The following JAZF1 variants were observed in gnomAD, a reference collection of about 807,000 sequenced individuals.
JAZF1 encodes the protein JAZF zinc finger 1.
In JAZF1, 8 loss-of-function variants were observed where a neutral mutation model predicts 26.4. That is an observed-to-expected ratio of 0.30 (90% confidence interval 0.18 to 0.55). The LOEUF (loss-of-function observed/expected upper bound fraction) is 0.55, where lower values mean the gene tolerates loss of function less well. JAZF1 is among the 20% of genes least tolerant of loss of function. JAZF1 has a pLI of 0.94. For synonymous variants in JAZF1, 126 were observed against 122.3 expected, an observed-to-expected ratio of 1.03 and a Z score of -0.20; for missense variants, 199 against 322.0, an observed-to-expected ratio of 0.62 and a Z score of 2.92.
At chr7:27,879,210 T>C (rs912005370) in intron 3 of JAZF1, among the ~76,000 whole-genome samples, 1 of 152,194 alleles carries the variant, frequency 6.6e-6, no homozygotes, top group South Asian at 2.1e-4. Flanking sequence ...AGAATGTGAT[T>C]TGTCCTATGT....
At chr7:28,078,517 T>A (rs1344069457) in intron 1 of JAZF1, among the ~76,000 whole-genome samples, 1 of 152,152 alleles carries the variant, frequency 6.6e-6, no homozygotes. Flanking sequence ...GCAAAGAAAA[T>A]TATTTTGTGA....
chr7:28,042,758 CT>C (rs1783415434), intron 1 of JAZF1, among the ~76,000 whole-genome samples: 1 of 152,084 alleles, frequency 6.6e-6, no homozygotes, highest in African/African-American at 2.4e-5. Flanking sequence ...TTATAATCAC[CT>C]ACAGTATTCA....
chr7:28,009,796 C>T (rs1301906242), intron 1 of JAZF1, among the ~76,000 whole-genome samples: 2 of 152,128 alleles, frequency 1.3e-5, no homozygotes, highest in Non-Finnish European at 2.9e-5. Flanking sequence ...GTCACCATTG[C>T]GTTTTTTAAA....
At chr7:27,889,758 C>T (rs983575772) in intron 3 of JAZF1, among the ~76,000 whole-genome samples, 4 of 152,068 alleles carry the variant, frequency 2.6e-5, no homozygotes, top group African/African-American at 7.2e-5. Context: ...ATGGCAAAAA[C>T]CCACCTCTAC....
At chr7:28,068,555 C>CTG (rs1783922748) in intron 1 of JAZF1, among the ~76,000 whole-genome samples, 1 of 152,122 alleles carries the variant, frequency 6.6e-6, no homozygotes, top group Non-Finnish European at 1.5e-5. Context: ...TTTGACTCTA[C>CTG]TGACAAATTA....
At chr7:28,175,802 A>G (rs1303967309) in intron 1 of JAZF1, among the ~76,000 whole-genome samples, 1 of 152,218 alleles carries the variant, frequency 6.6e-6, no homozygotes, top group Non-Finnish European at 1.5e-5. Flanking sequence ...AATCATACAC[A>G]TCAGCCACGA....
intron 2 of JAZF1, among the ~76,000 whole-genome samples, chr7:27,981,801 C>A (rs1401068384): frequency 6.6e-6 from 1 of 152,156 alleles, no homozygotes; most frequent in Non-Finnish European, 1.5e-5. Context: ...AAATTTCACA[C>A]CCACTGATCA....
intron 1 of JAZF1, among the ~76,000 whole-genome samples, chr7:28,001,243 A>C (rs763074062): frequency 4.0e-5 from 6 of 151,880 alleles, no homozygotes; most frequent in Admixed American, 6.6e-5. Flanking sequence ...TCCCAGCTAC[A>C]TGTGAGGCTG....
At chr7:28,091,772 G>A (rs983308895) in intron 1 of JAZF1, among the ~76,000 whole-genome samples, 8 of 152,012 alleles carry the variant, frequency 5.3e-5, no homozygotes, top group African/African-American at 1.7e-4. Context: ...TCATATTGCT[G>A]TTAGAATAGT....
chr7:28,023,263 T>C lies in JAZF1; in HGVS notation c.116-31282A>G, dbSNP rs1412256407. Among the ~76,000 whole-genome samples the C allele has an allele frequency of 5.3e-5, 8 of 152,314 alleles. No homozygotes were observed. In the East Asian group the frequency reaches 1.3e-3, roughly 26 times the overall value. The stretch of plus-strand genomic sequence containing the variant: ...AGTGATAATGACTAATTTACCTCCC[T>C]TTCTCCAATATACCGAAGGACAGAT... On this transcript the variant is annotated intron_variant, in intron 1 of 4. Coordinates refer to ENST00000283928, the MANE Select transcript of JAZF1 (RefSeq NM_175061.4).
intron 3 of JAZF1, among the ~76,000 whole-genome samples, chr7:27,861,123 C>T (rs1455288089): frequency 6.6e-6 from 1 of 152,176 alleles, no homozygotes; most frequent in Non-Finnish European, 1.5e-5. Context: ...CGTCTTCATT[C>T]TACTCTCAGG....
chr7:28,141,113 A>C (rs1294399575), intron 1 of JAZF1, among the ~76,000 whole-genome samples: 1 of 152,218 alleles, frequency 6.6e-6, no homozygotes, highest in African/African-American at 2.4e-5. Context: ...CACAGACTCA[A>C]AAGATGCAGC....
At chr7:28,082,576 C>T (rs941711301) in intron 1 of JAZF1, among the ~76,000 whole-genome samples, 2 of 152,186 alleles carry the variant, frequency 1.3e-5, no homozygotes, top group African/African-American at 4.8e-5. Flanking sequence ...ACATGTATAA[C>T]CAGTAGCTCC....
chr7:28,085,958 T>C (rs1228809273), intron 1 of JAZF1, among the ~76,000 whole-genome samples: 1 of 152,240 alleles, frequency 6.6e-6, no homozygotes, highest in African/African-American at 2.4e-5. Flanking sequence ...CCATAGATAA[T>C]TCATGAGAAT....
intron 3 of JAZF1, among the ~76,000 whole-genome samples, chr7:27,844,985 GA>G (rs1224647099): frequency 1.3e-5 from 2 of 152,238 alleles, no homozygotes; most frequent in African/African-American, 4.8e-5. Flanking sequence ...AGCCAAAGGA[GA>G]GGTGCCGGGT....
rs201157433 is a variant in JAZF1 at position 28,008,221 on chromosome 7, AATT to A, written c.116-16243_116-16241del. On this transcript the variant is annotated intron_variant, in intron 1 of 4. Transcript: ENST00000283928. ...ATTTTAATTATTTATTTTTAAAATT[AATT>A]ATTATTATTTTTTTTAGAGATAGTG... Among the ~76,000 whole-genome samples, 1,256 of 152,086 alleles carry A rather than the reference AATT, an allele frequency of 8.3e-3. 19 individuals are homozygous for A. The highest frequency in any genetic ancestry group is 0.028 in the African/African-American group (1,173 of 41,506).
At chr7:28,109,880 T>C (rs1784614473) in intron 1 of JAZF1, among the ~76,000 whole-genome samples, 1 of 152,144 alleles carries the variant, frequency 6.6e-6, no homozygotes, top group Admixed American at 6.5e-5. Flanking sequence ...GAGATGGGCA[T>C]ATGAAGACTT....
At chr7:28,000,618 CTTTCT>C (rs552389467) in intron 1 of JAZF1, among the ~76,000 whole-genome samples, 18 of 58,090 alleles carry the variant, frequency 3.1e-4, no homozygotes, top group East Asian at 1.5e-3. Context: ...TTCTTTCTTT[CTTTCT>C]TTTTTTTTTT....
intron 2 of JAZF1, among the ~76,000 whole-genome samples, chr7:27,972,933 GTA>G (rs1562544968): frequency 7.9e-6 from 1 of 127,162 alleles, no homozygotes; most frequent in Non-Finnish European, 1.6e-5. Flanking sequence ...GCATATATAT[GTA>G]TATGTGTGTG....
Sources: allele counts gnomAD v4.1 joint callset (sites outside exome capture counted in the v4.1 genomes callset), GRCh38; gene constraint gnomAD v4.1.1; transcripts MANE v1.5; gene names NCBI Gene and HGNC (gene_info 2026-07-23, HGNC 2026-07-21).